Variants in RECK observed in about 807,000 individuals in gnomAD.
The protein encoded by RECK is reversion inducing cysteine rich protein with kazal motifs.
A neutral mutation model predicts 115.1 loss-of-function variants in RECK; 69 were observed. The observed-to-expected ratio is 0.60, with a 90% confidence interval of 0.49 to 0.73. The LOEUF is 0.73. RECK is among the 30% of genes least tolerant of loss of function. RECK has a pLI of 0.00. For synonymous variants in RECK, 414 were observed against 419.7 expected (o/e 0.99, Z 0.17); for missense variants, 1,047 against 1,203.7 (o/e 0.87, Z 1.93).
chr9:36,063,642 G>T (rs1417886621), intron 4 of RECK, among the ~76,000 whole-genome samples, 153 bp from the exon 5 acceptor site: 1 of 152,238 alleles, frequency 6.6e-6, no homozygotes, highest in Non-Finnish European at 1.5e-5. Context: ...TAAGGGTAAA[G>T]GGAGGTCCTT....
chr9:36,092,137 A>G (rs1823181813), intron 10 of RECK, among the ~76,000 whole-genome samples: 1 of 152,214 alleles, frequency 6.6e-6, no homozygotes, highest in South Asian at 2.1e-4. Flanking sequence ...AGATATCTTT[A>G]AAACTGGTGA....
intron 13 of RECK, among the ~76,000 whole-genome samples, chr9:36,105,936 A>T (rs116009041): frequency 1.3e-5 from 2 of 152,154 alleles, no homozygotes; most frequent in African/African-American, 4.8e-5. Flanking sequence ...AAAAAAGGCC[A>T]GGCGCAGTGG....
intron 12 of RECK, among the ~76,000 whole-genome samples, chr9:36,104,676 A>C (rs1823729684): frequency 6.6e-6 from 1 of 151,760 alleles, no homozygotes; most frequent in Non-Finnish European, 1.5e-5. Context: ...TGCCCAGCTA[A>C]TTTTTATATT....
Position 36,122,937 on chromosome 9 carries a change from C to G in RECK, c.2808C>G (p.Val936=). 1 of 1,614,198 alleles carries G rather than the reference C, an allele frequency of 6.2e-7. No individual in the cohort carries two copies. The highest frequency in any genetic ancestry group is 1.1e-5 in the South Asian group (1 of 91,078). The part of the protein sequence containing the change: ...LSALIISQVQ[V]SSSVPSAGVR... ...CCCTCATCATTTCCCAGGTACAGGTCTCCAGCAGTGTGCCATCGGCCGGTG... is the reference window on the plus strand; with the variant it reads ...CCCTCATCATTTCCCAGGTACAGGTGTCCAGCAGTGTGCCATCGGCCGGTG... Residue 936 remains valine, a synonymous_variant, in exon 21 of 21, where the codon GTC becomes GTG. Coordinates refer to ENST00000377966, the MANE Select transcript of RECK (RefSeq NM_021111.3).
At chr9:36,066,932 T>G (rs1276737482) in intron 6 of RECK, 2 of 1,118,470 alleles carry the variant, frequency 1.8e-6, no homozygotes, top group African/African-American at 3.2e-5. Context: ...TCCCAGTCTA[T>G]CTTCCCTAAT....
chr9:36,090,142 T>G (rs1438853351), intron 9 of RECK, among the ~76,000 whole-genome samples: 8 of 151,860 alleles, frequency 5.3e-5, no homozygotes, highest in Non-Finnish European at 4.4e-5. Context: ...GGTGACAGAG[T>G]GAGACTCTGT....
At chr9:36,108,565 G>A (rs1018475758) in intron 14 of RECK, among the ~76,000 whole-genome samples, 3 of 152,086 alleles carry the variant, frequency 2.0e-5, no homozygotes, top group African/African-American at 7.2e-5. Flanking sequence ...TCTGCTCCAG[G>A]TCTAGTTGAC....
At chr9:36,074,285 T>C (rs1403303484) in intron 6 of RECK, among the ~76,000 whole-genome samples, 1 of 152,216 alleles carries the variant, frequency 6.6e-6, no homozygotes, top group Non-Finnish European at 1.5e-5. Context: ...ACAGAGTTCA[T>C]ATAATTATCT....
At chr9:36,080,240 A>C (rs1319991585) in intron 6 of RECK, among the ~76,000 whole-genome samples, 1 of 152,194 alleles carries the variant, frequency 6.6e-6, no homozygotes, top group Non-Finnish European at 1.5e-5. Flanking sequence ...GGTTACATGA[A>C]ATATATATTT....
At chr9:36,106,221 A>T (rs944935058) in intron 13 of RECK, among the ~76,000 whole-genome samples, 6 of 151,218 alleles carry the variant, frequency 4.0e-5, no homozygotes, top group Admixed American at 3.3e-4. Flanking sequence ...AAAAAAAAAA[A>T]AAAAGATTAA....
At chr9:36,066,755 TC>T in intron 6 of RECK, 12 of 1,267,018 alleles carry the variant, frequency 9.5e-6, no homozygotes, top group Non-Finnish European at 1.1e-5. Flanking sequence ...TCTGACACTG[TC>T]CATCTTCCAT....
intron 19 of RECK, 83 bp downstream of exon 19, chr9:36,120,819 C>A: frequency 1.1e-6 from 1 of 947,550 alleles, no homozygotes; most frequent in South Asian, 1.4e-5. Context: ...GTGTTGTCCT[C>A]ATTCATAGAT....
At chr9:36,037,139 C>T in intron 1 of RECK, 41 bp downstream of exon 1, 13 of 1,202,202 alleles carry the variant, frequency 1.1e-5, no homozygotes, top group Non-Finnish European at 1.4e-5. Context: ...CTGTCGGGAG[C>T]GGCCGCCACA....
In RECK at chr9:36,112,320, G is replaced by C; in HGVS notation, c.1904G>C (p.Cys635Ser). Residue 635 changes from cysteine to serine, a missense_variant, in exon 16 of 21, where the codon TGT becomes TCT. Transcript: ENST00000377966. ...CTCTCCTCAGGTCTGCCCTGTAACT[G>C]TGCAGATCAGTTTGTCCCTGTATGT... Reference protein sequence around the residue: ...RRTFTGLPCNCADQFVPVCGQ... With the variant: ...RRTFTGLPCNSADQFVPVCGQ... The C allele has an allele frequency of 3.1e-6, 5 of 1,613,196 alleles. No individual in the cohort carries two copies. The highest frequency in any genetic ancestry group is 4.2e-6 in the Non-Finnish European group (5 of 1,179,928).
At position 36,117,078 on chromosome 9, in the gene RECK, G is replaced by C; in HGVS notation, c.2154G>C (p.Gln718His). Reference sequence around the variant, plus strand: ...TACCAAGACAGCTCGCGTGTGACCAGGTCCAAGATCCTGTTTGTGACACAG... The same window carrying C: ...TACCAAGACAGCTCGCGTGTGACCACGTCCAAGATCCTGTTTGTGACACAG... ...ECVPRQLACD[Q>H]VQDPVCDTDH... is the part of the protein sequence containing the mutation. The change falls in exon 17 of 21, where the codon CAG (glutamine) becomes CAC (histidine). Residue 718 changes from glutamine to histidine, a missense_variant. Physicochemically the swap from Gln to His is conservative, Grantham distance 24. Coordinates refer to ENST00000377966, the MANE Select transcript of RECK (RefSeq NM_021111.3). 2.5e-6 allele frequency: 4 copies of C among 1,614,154 alleles called. No homozygotes were observed. The South Asian group carries it at 4.4e-5, about 18-fold the overall frequency.
intron 6 of RECK, among the ~76,000 whole-genome samples, chr9:36,079,451 A>G (rs191343007): frequency 3.3e-5 from 5 of 152,294 alleles, no homozygotes; most frequent in African/African-American, 1.2e-4. Flanking sequence ...AGGAACCCTT[A>G]TCTATGAGGC....
At chr9:36,058,215 C>A (rs541642804) in intron 2 of RECK, among the ~76,000 whole-genome samples, 12 of 151,956 alleles carry the variant, frequency 7.9e-5, no homozygotes, top group Admixed American at 1.3e-4. Context: ...ATGTTTTTTG[C>A]GGCATTATTC....
intron 11 of RECK, among the ~76,000 whole-genome samples, chr9:36,101,210 C>G (rs1322614557): frequency 2.0e-5 from 3 of 152,238 alleles, no homozygotes; most frequent in African/African-American, 4.8e-5. Flanking sequence ...CTCGGCCTCC[C>G]TAAGTGCTGG....
intron 1 of RECK, among the ~76,000 whole-genome samples, chr9:36,051,420 T>A (rs1821297077): frequency 6.6e-6 from 1 of 152,248 alleles, no homozygotes; most frequent in African/African-American, 2.4e-5. Flanking sequence ...TTTTGATGTC[T>A]GTACTTACTC....
Sources: gnomAD v4.1 joint callset for allele counts (sites outside exome capture counted in the v4.1 genomes callset) on GRCh38, gnomAD v4.1.1 for gene constraint, MANE v1.5 for transcripts, NCBI Gene and HGNC (gene_info 2026-07-23, HGNC 2026-07-21) for gene names.